GAD2: variants seen among roughly 807,000 people sequenced by gnomAD.
GAD2 encodes glutamate decarboxylase 2.
GAD2 carries 22 observed loss-of-function variants against 80.1 expected under a neutral mutation model. The ratio of observed to expected loss-of-function variants is 0.27; its 90% CI spans 0.20 to 0.39. The LOEUF is 0.39. GAD2 is among the 10% of genes least tolerant of loss of function. GAD2 has a pLI of 1.00. For synonymous variants in GAD2, 274 were observed against 256.9 expected (o/e 1.07, Z -0.64); for missense variants, 624 against 738.4 (o/e 0.85, Z 1.80).
chr10:26,218,065 C>CCGG, intron 3 of GAD2, 74 bp downstream of exon 3: 2 of 1,475,760 alleles, frequency 1.4e-6, no homozygotes, highest in East Asian at 4.8e-5. Flanking sequence ...CGGTGCGGGT[C>CCGG]CGGCGCTGAG....
intron 13 of GAD2, among the ~76,000 whole-genome samples, chr10:26,289,550 G>A (rs1221792725): frequency 1.3e-5 from 2 of 151,710 alleles, no homozygotes; most frequent in Non-Finnish European, 2.9e-5. Flanking sequence ...TAAGACCCCT[G>A]ATTTAGGTTG....
Position 26,269,143 on chromosome 10 carries a change from T to C in GAD2, c.945T>C (p.Leu315=), listed in dbSNP as rs757551260. The change falls in exon 9 of 16, where the codon CTT becomes CTC. Residue 315 remains leucine (L), a synonymous_variant. Transcript: ENST00000376261. ...DERGKMIPSD[L]ERRILEAKQK... is the part of the protein sequence containing the mutation. ...GAGGGAAAATGATTCCATCTGATCT[T>C]GAAAGAAGGATTCTTGAAGCCAAAC... The C allele has an allele frequency of 2.5e-6, 4 of 1,600,680 alleles. No individual in the cohort carries two copies. The highest frequency in any genetic ancestry group is 2.2e-5 in the East Asian group (1 of 44,542).
intron 6 of GAD2, among the ~76,000 whole-genome samples, chr10:26,226,038 T>C (rs191379534): frequency 1.2e-4 from 19 of 152,348 alleles, no homozygotes; most frequent in Non-Finnish European, 2.2e-4. Flanking sequence ...GGTTATAGGA[T>C]TGATCTGTCC....
rs772567180 is a variant in GAD2 at position 26,273,693 on chromosome 10, G to A, written c.1150G>A (p.Val384Met). 20 of 1,613,288 alleles carry A rather than the reference G, an allele frequency of 1.2e-5. No homozygotes were observed. Among genetic ancestry groups the A allele is most frequent in the African/African-American group, 2.7e-5 (2 of 74,860 alleles). Residue 384 changes from valine (V) to methionine (M), a missense_variant, in exon 11 of 16, where the codon GTG becomes ATG. Val to Met is a conservative substitution (Grantham distance 21). Transcript: ENST00000376261. Reference sequence around the variant, plus strand: ...AAAACACAAGTGGAAACTGAGTGGCGTGGAGAGGTATGTTGCATTTTTCTT... The same window carrying A: ...AAAACACAAGTGGAAACTGAGTGGCATGGAGAGGTATGTTGCATTTTTCTT... ...SRKHKWKLSGVERANSVTWNP... is the reference protein window; with the variant it reads ...SRKHKWKLSGMERANSVTWNP...
intron 6 of GAD2, among the ~76,000 whole-genome samples, chr10:26,225,494 A>G (rs1419379568): frequency 6.6e-6 from 1 of 152,218 alleles, no homozygotes; most frequent in Non-Finnish European, 1.5e-5. Context: ...AGCGGATGTC[A>G]TTAGTCCACT....
intron 7 of GAD2, among the ~76,000 whole-genome samples, chr10:26,242,102 C>T (rs548667305): frequency 1.3e-5 from 2 of 152,284 alleles, no homozygotes; most frequent in South Asian, 4.1e-4. Flanking sequence ...TCTCCTGCCT[C>T]AGCCTCCGGA....
At position 26,223,920 on chromosome 10, in the gene GAD2, G is replaced by C; in HGVS notation, c.554G>C (p.Gly185Ala). 1.2e-6 allele frequency: 2 copies of C among 1,609,654 alleles called. No homozygotes were observed. Among genetic ancestry groups the C allele is most frequent in the Non-Finnish European group, 1.7e-6 (2 of 1,178,632 alleles). ...AGATACTTCAATCAACTTTCTACTG[G>C]TTTGGATATGGTTGGATTAGCAGCA... ...HPRYFNQLST[G>A]LDMVGLAADW... Residue 185 changes from glycine (G) to alanine (A), a missense_variant, in exon 5 of 16, where the codon GGT becomes GCT. By Grantham distance (60) the Gly-to-Ala change is moderately conservative (BLOSUM62 0). Transcript: ENST00000376261.
chr10:26,253,028 T>G (rs919856677), intron 8 of GAD2, among the ~76,000 whole-genome samples: 2 of 151,958 alleles, frequency 1.3e-5, no homozygotes, highest in Non-Finnish European at 2.9e-5. Context: ...CGGTTCTCAG[T>G]TAAAACAAAA....
At chr10:26,236,379 C>A (rs1318335391) in intron 7 of GAD2, among the ~76,000 whole-genome samples, 1 of 150,988 alleles carries the variant, frequency 6.6e-6, no homozygotes, top group Non-Finnish European at 1.5e-5. Flanking sequence ...CAGCTCACTG[C>A]AACCTCCGCC....
At chr10:26,292,620 C>A in intron 14 of GAD2, 48 bp downstream of exon 14, 3 of 1,337,460 alleles carry the variant, frequency 2.2e-6, no homozygotes, top group Non-Finnish European at 3.2e-6. Flanking sequence ...TCAATTCCAA[C>A]CCTCATCACT....
chr10:26,223,835 G>T, intron 4 of GAD2, 52 bp from the exon 5 acceptor site: 5 of 1,148,608 alleles, frequency 4.4e-6, no homozygotes, highest in Non-Finnish European at 5.2e-6. Flanking sequence ...TGTTTGAGAG[G>T]CATTTATTTT....
chr10:26,283,430 G>C (rs556478166), intron 12 of GAD2, among the ~76,000 whole-genome samples: 1 of 152,212 alleles, frequency 6.6e-6, no homozygotes, highest in Non-Finnish European at 1.5e-5. Flanking sequence ...ATTTTGATTG[G>C]ACAAGGAAGG....
chr10:26,258,679 G>C (rs1844973154), intron 8 of GAD2, among the ~76,000 whole-genome samples: 1 of 152,126 alleles, frequency 6.6e-6, no homozygotes, highest in African/African-American at 2.4e-5. Flanking sequence ...TGTCCTCAAG[G>C]TTCATCCATG....
In GAD2 at chr10:26,293,032, C is replaced by A. The variant is rs371090127; in HGVS notation, c.1584+41C>A. ...TCCTCTGATACATGTGTGTATTGAG[C>A]CTTTCATGTGCACATCTTCTTTATG... On this transcript the variant is annotated intron_variant, in intron 15 of 15. Coordinates refer to ENST00000376261, the MANE Select transcript of GAD2 (RefSeq NM_001134366.2). The A allele has an allele frequency of 3.1e-4, 452 of 1,469,420 alleles. 1 individual carries two copies. Among genetic ancestry groups the A allele is most frequent in the Middle Eastern group, 2.4e-3 (14 of 5,828 alleles). The allele number at this position is 1,469,420 out of a possible 1,614,324, so 91.0% of individuals were successfully genotyped here.
At chr10:26,223,340 T>C (rs1241026752) in intron 4 of GAD2, among the ~76,000 whole-genome samples, 1 of 152,214 alleles carries the variant, frequency 6.6e-6, no homozygotes, top group East Asian at 1.9e-4. Context: ...AGTGTCCTAT[T>C]TTCTCATTTT....
intron 8 of GAD2, among the ~76,000 whole-genome samples, chr10:26,258,840 GTCTC>G (rs1303807866): frequency 6.7e-6 from 1 of 149,012 alleles, no homozygotes; most frequent in African/African-American, 2.5e-5. Context: ...TTGAGACAGA[GTCTC>G]ACTCTGTCAC....
chr10:26,282,015 A>T (rs1037983865), intron 12 of GAD2, among the ~76,000 whole-genome samples: 5 of 152,034 alleles, frequency 3.3e-5, no homozygotes, highest in Admixed American at 2.6e-4. Context: ...CGATCTTGGC[A>T]CACTGCGATC....
intron 12 of GAD2, among the ~76,000 whole-genome samples, chr10:26,284,755 G>A (rs1350752174): frequency 6.6e-6 from 1 of 151,932 alleles, no homozygotes; most frequent in Non-Finnish European, 1.5e-5. Context: ...ATTTTTAGTA[G>A]AGATGGGGTT....
At chr10:26,223,789 C>T in intron 4 of GAD2, 98 bp from the exon 5 acceptor site, 2 of 736,642 alleles carry the variant, frequency 2.7e-6, no homozygotes, top group East Asian at 5.1e-5. Context: ...CTGTTACTGA[C>T]AGATCTTTCA....
Sources: allele counts gnomAD v4.1 joint callset (sites outside exome capture counted in the v4.1 genomes callset), GRCh38; gene constraint gnomAD v4.1.1; transcripts MANE v1.5; gene names NCBI Gene and HGNC (gene_info 2026-07-23, HGNC 2026-07-21).